The following CNTFR variants were observed in gnomAD, a reference collection of about 807,000 sequenced individuals.
The protein encoded by CNTFR is ciliary neurotrophic factor receptor subunit alpha.
In CNTFR, 12 loss-of-function variants were observed where a neutral mutation model predicts 40.4. The ratio of observed to expected loss-of-function variants is 0.30; its 90% CI spans 0.19 to 0.48. The LOEUF (loss-of-function observed/expected upper bound fraction) is 0.48. Among genes scored for constraint, CNTFR ranks in the 20% least tolerant of loss-of-function variants. The probability of loss-of-function intolerance (pLI) is 0.99; values close to 1 mark genes in which losing one functional copy is unlikely to be tolerated. For missense variants in CNTFR, 414 were observed against 506.8 expected (o/e 0.82, Z 1.76); for synonymous variants, 202 against 209.6 (o/e 0.96, Z 0.31).
chr9:34,587,312 T>A (rs77391520), intron 1 of CNTFR, among the ~76,000 whole-genome samples: 7,949 of 152,246 alleles, frequency 0.052, 273 homozygotes, highest in South Asian at 0.12. Flanking sequence ...AGCACTGGTA[T>A]CCCTTTTTAA....
In CNTFR at chr9:34,579,569, G is replaced by T. The variant is rs576611033; in HGVS notation, c.-1+1526C>A. On this transcript the variant is annotated intron_variant, in intron 2 of 9. Coordinates refer to ENST00000378980, the MANE Select transcript of CNTFR (RefSeq NM_147164.3). Reference sequence around the variant, plus strand: ...CACTGAGGGCGAGGCTCCCACGGAGGCTGAGATGGACAGAGAGAGGGTGAT... The same window carrying T: ...CACTGAGGGCGAGGCTCCCACGGAGTCTGAGATGGACAGAGAGAGGGTGAT... Among the ~76,000 whole-genome samples, 79 of 152,078 alleles carry T rather than the reference G, an allele frequency of 5.2e-4. 1 individual carries two copies. The South Asian group carries it at 0.016, about 30-fold the overall frequency.
chr9:34,588,432 C>T (rs2095286804), intron 1 of CNTFR, among the ~76,000 whole-genome samples: 1 of 152,220 alleles, frequency 6.6e-6, no homozygotes, highest in Non-Finnish European at 1.5e-5. Context: ...GCATTTCACA[C>T]TCGCACCACC....
Position 34,557,780 on chromosome 9 carries a change from C to A in CNTFR, c.437+87G>T. On this transcript the variant is annotated intron_variant, in intron 5 of 9. Transcript: ENST00000378980. This position sits in a 1 kb window ranked among gnomAD's most constrained non-coding sequence, Gnocchi z 4.2. ...AGGAAAGGTCAAGCCCAAGGCAGGG[C>A]TGGGGTATGGACAGAGGGCATGGTG... 1 of 1,578,814 alleles carries A rather than the reference C, an allele frequency of 6.3e-7. No homozygotes were observed. Among genetic ancestry groups the A allele is most frequent in the Non-Finnish European group, 8.7e-7 (1 of 1,152,860 alleles).
chr9:34,559,914 C>A (rs73645427), intron 4 of CNTFR, among the ~76,000 whole-genome samples: 19 of 152,052 alleles, frequency 1.2e-4, no homozygotes, highest in African/African-American at 4.3e-4. Context: ...TGTCCTCCCC[C>A]CTCAGACCGC....
intron 2 of CNTFR, among the ~76,000 whole-genome samples, chr9:34,570,836 G>A (rs12004101): frequency 5.3e-5 from 8 of 152,142 alleles, no homozygotes; most frequent in African/African-American, 1.7e-4. Flanking sequence ...AAGCAGCTGC[G>A]GAGAGGCTGG....
At chr9:34,569,042 G>A in intron 2 of CNTFR, 61 bp from the exon 3 acceptor site, 1 of 1,467,462 alleles carries the variant, frequency 6.8e-7, no homozygotes, top group Non-Finnish European at 9.3e-7. Flanking sequence ...ACTGTCCTGG[G>A]GAGCCCCTCC....
chr9:34,574,550 C>A (rs938011399), intron 2 of CNTFR, among the ~76,000 whole-genome samples: 2 of 152,166 alleles, frequency 1.3e-5, no homozygotes, highest in African/African-American at 4.8e-5. Flanking sequence ...TAGAAGGGGG[C>A]AGAATAAGCC....
chr9:34,582,724 C>T (rs1827365014), intron 1 of CNTFR: 1 of 151,936 alleles, frequency 6.6e-6, no homozygotes, highest in African/African-American at 2.4e-5. Flanking sequence ...AAGACAGGCT[C>T]AAAGGGAGGA....
intron 3 of CNTFR, 28 bp downstream of exon 3, chr9:34,568,869 T>G (rs200141364): frequency 6.4e-7 from 1 of 1,555,030 alleles, no homozygotes; most frequent in East Asian, 2.4e-5. Flanking sequence ...GAGAGGGGGG[T>G]CAGCAGGCGG....
At chr9:34,579,330 C>CT (rs1161317314) in intron 2 of CNTFR, among the ~76,000 whole-genome samples, 1 of 152,066 alleles carries the variant, frequency 6.6e-6, no homozygotes, top group Non-Finnish European at 1.5e-5. Context: ...GCCTAATGCG[C>CT]TTTATCAGGA....
intron 7 of CNTFR, among the ~76,000 whole-genome samples, chr9:34,555,143 G>A (rs919595826): frequency 6.6e-6 from 1 of 152,256 alleles, no homozygotes; most frequent in Admixed American, 6.5e-5. Context: ...CTCGTTAGCG[G>A]GGGAGGGGGG....
Position 34,563,657 on chromosome 9 carries a change from C to T in CNTFR, c.319+942G>A, listed in dbSNP as rs78110999. Among the ~76,000 whole-genome samples the T allele has an allele frequency of 5.9e-5, 9 of 152,268 alleles. No homozygotes were observed. The South Asian group carries it at 6.2e-4, about 11-fold the overall frequency. Reference sequence around the variant, plus strand: ...AACAGCACACATTATCTTTTCCTTCCGTTTTCTTCCTGTTGCAGTCATGGA... The same window carrying T: ...AACAGCACACATTATCTTTTCCTTCTGTTTTCTTCCTGTTGCAGTCATGGA... On this transcript the variant is annotated intron_variant, in intron 4 of 9. Coordinates refer to ENST00000378980, the MANE Select transcript of CNTFR (RefSeq NM_147164.3).
rs1564058765 is a variant in CNTFR, at chr9:34,557,363, T to A, written c.604+163A>T. Among the ~76,000 whole-genome samples, 1 of 152,214 alleles carries A rather than the reference T, an allele frequency of 6.6e-6. No homozygotes were observed. Among genetic ancestry groups the A allele is most frequent in the Non-Finnish European group, 1.5e-5 (1 of 68,032 alleles). Reference sequence around the variant, plus strand: ...ACTTACACGTTCACAGGTGTATATGTCATGCATATATGTGCACATATATGT... The same window carrying A: ...ACTTACACGTTCACAGGTGTATATGACATGCATATATGTGCACATATATGT... On this transcript the variant is annotated intron_variant, in intron 6 of 9. Transcript: ENST00000378980. The surrounding 1 kb of genome is among the most constrained non-coding windows in gnomAD (Gnocchi z 4.2).
intron 2 of CNTFR, among the ~76,000 whole-genome samples, chr9:34,570,833 T>A (rs1456889826): frequency 1.3e-5 from 2 of 152,146 alleles, no homozygotes; most frequent in African/African-American, 4.8e-5. Context: ...CTGAAGCAGC[T>A]GCGGAGAGGC....
chr9:34,566,094 ACAC>A (rs1482820046), intron 3 of CNTFR, among the ~76,000 whole-genome samples: 1 of 151,698 alleles, frequency 6.6e-6, no homozygotes, highest in Non-Finnish European at 1.5e-5. Flanking sequence ...AGGCTTGTTA[ACAC>A]CACCAAGACT....
chr9:34,554,775 T>C (rs1185446806), intron 7 of CNTFR, among the ~76,000 whole-genome samples: 1 of 152,172 alleles, frequency 6.6e-6, no homozygotes, highest in African/African-American at 2.4e-5. Context: ...CTCCCAGTCA[T>C]ACACCTGCCT....
At chr9:34,572,375 C>A (rs1363509675) in intron 2 of CNTFR, among the ~76,000 whole-genome samples, 1 of 152,176 alleles carries the variant, frequency 6.6e-6, no homozygotes, top group Non-Finnish European at 1.5e-5. Flanking sequence ...CAAGTCCACA[C>A]CCCATGGCTC....
intron 2 of CNTFR, among the ~76,000 whole-genome samples, chr9:34,574,507 A>AC (rs981008124): frequency 4.6e-5 from 7 of 152,180 alleles, no homozygotes; most frequent in African/African-American, 1.7e-4. Context: ...AGGGGAAATG[A>AC]CCCTACCCAA....
In CNTFR at chr9:34,557,314, C is replaced by T. The variant is rs559840666; in HGVS notation, c.604+212G>A. 5.9e-5 allele frequency among the ~76,000 whole-genome samples: 9 copies of T among 152,290 alleles called. No individual in the cohort carries two copies. The highest frequency in any genetic ancestry group is 1.9e-4 in the East Asian group (1 of 5,182). The stretch of plus-strand genomic sequence containing the variant: ...CGAAAGAGCTGCTGGACAGGTCTCT[C>T]GGCCCTTCAGGTAAAGGACATTCAC... On this transcript the variant is annotated intron_variant, in intron 6 of 9. Transcript: ENST00000378980. This position sits in a 1 kb window ranked among gnomAD's most constrained non-coding sequence, Gnocchi z 4.2.
Sources: allele counts gnomAD v4.1 joint callset (sites outside exome capture counted in the v4.1 genomes callset), GRCh38; gene constraint gnomAD v4.1.1; non-coding constraint Gnocchi (gnomAD v3.1); transcripts MANE v1.5; gene names NCBI Gene and HGNC (gene_info 2026-07-23, HGNC 2026-07-21).